PLN: variants seen among roughly 807,000 people sequenced by gnomAD.
PLN encodes cardiac phospholamban.
PLN carries 1 observed loss-of-function variant against 3.9 expected under a neutral mutation model. That is an observed-to-expected ratio of 0.26 (90% CI 0.09 to 1.23). The LOEUF (loss-of-function observed/expected upper bound fraction) is 1.23, where lower values mean the gene tolerates loss of function less well. Among genes scored for constraint, PLN ranks in the 50% most tolerant of loss-of-function variants. The pLI, the probability that PLN is intolerant of heterozygous loss-of-function variation, is 0.48. For synonymous variants in PLN, 21 were observed against 20.5 expected (o/e 1.02, Z -0.07); for missense variants, 59 against 62.7 (o/e 0.94, Z 0.20).
intron 1 of PLN, among the ~76,000 whole-genome samples, chr6:118,549,321 T>C (rs182212665): frequency 4.6e-3 from 703 of 152,018 alleles, no homozygotes; most frequent in Non-Finnish European, 5.1e-3. Flanking sequence ...GGAATGGAGA[T>C]GCCACAATCA....
intron 1 of PLN, among the ~76,000 whole-genome samples, chr6:118,557,736 G>A (rs1325945091): frequency 4.6e-5 from 7 of 152,076 alleles, no homozygotes; most frequent in Non-Finnish European, 8.8e-5. Context: ...AATTATTATC[G>A]AATAAAAATT....
intron 1 of PLN, among the ~76,000 whole-genome samples, chr6:118,551,388 C>T (rs1302038986): frequency 6.4e-5 from 5 of 78,532 alleles, no homozygotes; most frequent in Non-Finnish European, 1.3e-4. Flanking sequence ...TATTAAGTGG[C>T]ATTCATTTTA....
intron 1 of PLN, among the ~76,000 whole-genome samples, chr6:118,553,925 A>T (rs1210550258): frequency 1.3e-5 from 2 of 152,196 alleles, no homozygotes; most frequent in Non-Finnish European, 2.9e-5. Context: ...CTTGAGGAAA[A>T]TATTAGAGCT....
At chr6:118,551,068 A>G (rs1583028352) in intron 1 of PLN, among the ~76,000 whole-genome samples, 1 of 152,024 alleles carries the variant, frequency 6.6e-6, no homozygotes, top group African/African-American at 2.4e-5. Flanking sequence ...CCTTCAATTC[A>G]TCTGATACCT....
chr6:118,554,329 A>G (rs1173430482), intron 1 of PLN, among the ~76,000 whole-genome samples: 1 of 152,066 alleles, frequency 6.6e-6, no homozygotes, highest in Non-Finnish European at 1.5e-5. Flanking sequence ...TTAATTAAAA[A>G]TGAGATGGGG....
chr6:118,558,946 C>G lies in PLN; in HGVS notation c.25C>G (p.Arg9Gly). The change falls in exon 2 of 2, where the codon CGC (arginine) becomes GGC (glycine). Residue 9 changes from arginine (R) to glycine (G), a missense_variant. Transcript: ENST00000357525. MEKVQYLTRSAIRRASTIE... is the reference protein window; with the variant it reads MEKVQYLTGSAIRRASTIE... ...CATGGAGAAAGTCCAATACCTCACT[C>G]GCTCAGCTATAAGAAGAGCCTCAAC... 1.2e-6 allele frequency: 2 copies of G among 1,613,780 alleles called. No homozygotes were observed. Among genetic ancestry groups the G allele is most frequent in the Non-Finnish European group, 1.7e-6 (2 of 1,179,652 alleles).
chr6:118,551,261 A>AT (rs1778525505), intron 1 of PLN, among the ~76,000 whole-genome samples: 1 of 151,870 alleles, frequency 6.6e-6, no homozygotes, highest in Non-Finnish European at 1.5e-5. Flanking sequence ...GCATACTCAT[A>AT]GTCAACTGAG....
At chr6:118,557,674 G>A (rs1214884984) in intron 1 of PLN, among the ~76,000 whole-genome samples, 1 of 152,164 alleles carries the variant, frequency 6.6e-6, no homozygotes, top group East Asian at 1.9e-4. Context: ...CCAGCCACCA[G>A]CACCCCAAAC....
intron 1 of PLN, among the ~76,000 whole-genome samples, chr6:118,557,395 G>A (rs776205660): frequency 3.3e-5 from 5 of 152,124 alleles, no homozygotes; most frequent in African/African-American, 4.8e-5. Context: ...AAAACAAGCT[G>A]TACCTTAAAC....
rs2114977343 is a variant in PLN, at chr6:118,560,717, T to G, written c.*1637T>G. On this transcript the variant is annotated 3_prime_UTR_variant, in exon 2 of 2. Transcript: ENST00000357525. ...GCTATGCTATTTATAATTATTTTCT[T>G]GATGAATAAATTTTCAATTTCTCCT... 6.0e-6 allele frequency: 1 copy of G among 165,656 alleles called. No individual in the cohort carries two copies. The highest frequency in any genetic ancestry group is 2.4e-5 in the African/African-American group (1 of 41,572). 10.3% of individuals were successfully genotyped at this position (165,656 alleles called of 1,614,324 possible). A position where few individuals can be genotyped will look rare whatever the true frequency, so the allele number is the denominator to read the frequency against.
rs142755909 is a variant in PLN, at chr6:118,554,388, C to T, written c.-97-4437C>T. On this transcript the variant is annotated intron_variant, in intron 1 of 1. Transcript: ENST00000357525. ...TCTCGAACTCCTGGGCTCAAACATT[C>T]GTCCCGCCTAGGCCTTCCAAAGTGT... 3.7e-3 allele frequency among the ~76,000 whole-genome samples: 568 copies of T among 152,250 alleles called. 3 individuals carry two copies. Among genetic ancestry groups the T allele is most frequent in the African/African-American group, 0.013 (540 of 41,538 alleles).
In PLN at chr6:118,558,801, C is replaced by G. The variant is rs943285413; in HGVS notation, c.-97-24C>G. 5.4e-6 allele frequency: 4 copies of G among 735,060 alleles called. No individual in the cohort carries two copies. In the African/African-American group the frequency reaches 7.0e-5, roughly 13 times the overall value. 45.5% of individuals were successfully genotyped at this position (735,060 alleles called of 1,614,324 possible). A position where few individuals can be genotyped will look rare whatever the true frequency, so the allele number is the denominator to read the frequency against. On this transcript the variant is annotated intron_variant, in intron 1 of 1. Coordinates refer to ENST00000357525, the MANE Select transcript of PLN (RefSeq NM_002667.5). ...GATAGGTTACATAGATGATTCTAAT[C>G]CATTTATTATTTTTACATTCCAGGC...
At chr6:118,558,116 A>G (rs1778986177) in intron 1 of PLN, among the ~76,000 whole-genome samples, 1 of 151,964 alleles carries the variant, frequency 6.6e-6, no homozygotes, top group South Asian at 2.1e-4. Flanking sequence ...CAGCCTAGCT[A>G]ATTTTTATAT....
Position 118,560,789 on chromosome 6 carries a change from T to C in PLN, c.*1709T>C, listed in dbSNP as rs1779181015. ...CCAATAACTCATAAAACAACTGAAG[T>C]AAAATTGAGTGCTGGAAAATATATT... On this transcript the variant is annotated 3_prime_UTR_variant, in exon 2 of 2. Coordinates refer to ENST00000357525, the MANE Select transcript of PLN (RefSeq NM_002667.5). 5 of 156,714 alleles carry C rather than the reference T, an allele frequency of 3.2e-5. No homozygotes were observed. The Admixed American group carries it at 3.3e-4, about 10-fold the overall frequency. The allele number at this position is 156,714 out of a possible 1,614,324, so 9.7% of individuals were successfully genotyped here. A position where few individuals can be genotyped will look rare whatever the true frequency, so the allele number is the denominator to read the frequency against.
rs1660951306 is a variant in PLN at position 118,559,482 on chromosome 6, G to C, written c.*402G>C. ...ATATAATTTATATTACAATGTAAAA[G>C]CTTCTTTAATACTAAGTATTTTTCA... On this transcript the variant is annotated 3_prime_UTR_variant, in exon 2 of 2. Transcript: ENST00000357525. 1 of 232,644 alleles carries C rather than the reference G, an allele frequency of 4.3e-6. No homozygotes were observed. Among genetic ancestry groups the C allele is most frequent in the Non-Finnish European group, 9.3e-6 (1 of 107,182 alleles). The allele number at this position is 232,644 out of a possible 1,614,324, so 14.4% of individuals were successfully genotyped here. A position where few individuals can be genotyped will look rare whatever the true frequency, so the allele number is the denominator to read the frequency against.
chr6:118,549,089 C>T (rs1778381111), intron 1 of PLN, among the ~76,000 whole-genome samples: 1 of 151,804 alleles, frequency 6.6e-6, no homozygotes, highest in East Asian at 1.9e-4. Context: ...AATTTTAAAA[C>T]AATGTTCACA....
At chr6:118,557,745 T>C (rs1424460939) in intron 1 of PLN, among the ~76,000 whole-genome samples, 1 of 152,124 alleles carries the variant, frequency 6.6e-6, no homozygotes, top group Middle Eastern at 3.2e-3. Flanking sequence ...CGAATAAAAA[T>C]TGGTAAAGTC....
chr6:118,553,598 T>C (rs571672508), intron 1 of PLN, among the ~76,000 whole-genome samples: 3 of 152,244 alleles, frequency 2.0e-5, no homozygotes, highest in Admixed American at 6.5e-5. Flanking sequence ...TTTAGGATTA[T>C]GGCATATTTC....
At chr6:118,558,650 CACACACACACAGAGAG>C (rs1253152349) in intron 1 of PLN, among the ~76,000 whole-genome samples, 159 bp from the exon 2 acceptor site, 2 of 136,654 alleles carry the variant, frequency 1.5e-5, no homozygotes, top group Non-Finnish European at 3.0e-5. Context: ...CACACACACA[CACACACACACAGAGAG>C]AGAGAGAGAG....
Sources: gnomAD v4.1 joint callset for allele counts (sites outside exome capture counted in the v4.1 genomes callset) on GRCh38, gnomAD v4.1.1 for gene constraint, MANE v1.5 for transcripts, NCBI Gene and HGNC (gene_info 2026-07-23, HGNC 2026-07-21) for gene names.